The following SLC30A6 variants were observed in gnomAD, a reference collection of about 807,000 sequenced individuals.
The protein encoded by SLC30A6 is solute carrier family 30 member 6.
SLC30A6 carries 55 observed loss-of-function variants against 63.0 expected under a neutral mutation model. The ratio of observed to expected loss-of-function variants is 0.87; its 90% CI spans 0.70 to 1.09. The LOEUF is 1.09. Among genes scored for constraint, SLC30A6 ranks in the 50% least tolerant of loss-of-function variants. The pLI is 0.00. For missense variants in SLC30A6, 587 were observed against 549.2 expected, an observed-to-expected ratio of 1.07 and a Z score of -0.69; for synonymous variants, 224 against 186.1, an observed-to-expected ratio of 1.20 and a Z score of -1.66.
At chr2:32,199,884 G>A (rs1285915268) in intron 10 of SLC30A6, among the ~76,000 whole-genome samples, 2 of 152,098 alleles carry the variant, frequency 1.3e-5, no homozygotes, top group African/African-American at 4.8e-5. Context: ...GGAAGCCGAG[G>A]CGGCTGGGTC....
intron 4 of SLC30A6, among the ~76,000 whole-genome samples, chr2:32,183,465 T>G (rs898386350): frequency 1.3e-5 from 2 of 151,786 alleles, no homozygotes; most frequent in African/African-American, 2.4e-5. Flanking sequence ...GTGGATCACT[T>G]GAGACCAGGA....
chr2:32,201,684 A>G, intron 10 of SLC30A6: 1 of 1,476,360 alleles, frequency 6.8e-7, no homozygotes, highest in Non-Finnish European at 9.3e-7. Flanking sequence ...GGAGAGGCAG[A>G]AGAGCTTTAT....
In SLC30A6 at chr2:32,207,271, C is replaced by A. The variant is rs183542591; in HGVS notation, c.816+338C>A. On this transcript the variant is annotated intron_variant, in intron 12 of 13. Transcript: ENST00000282587. Reference sequence around the variant, plus strand: ...CTGTTGCCAGGCTGTAGTGCAGTGGCGCAATCTCAGCTCACTGCAACCTCC... The same window carrying A: ...CTGTTGCCAGGCTGTAGTGCAGTGGAGCAATCTCAGCTCACTGCAACCTCC... Among the ~76,000 whole-genome samples, 288 of 151,686 alleles carry A rather than the reference C, an allele frequency of 1.9e-3. 2 individuals are homozygous for A. Among genetic ancestry groups the A allele is most frequent in the African/African-American group, 6.4e-3 (265 of 41,334 alleles).
At chr2:32,190,969 A>G (rs114611736) in intron 5 of SLC30A6, among the ~76,000 whole-genome samples, 46 of 152,216 alleles carry the variant, frequency 3.0e-4, no homozygotes, top group African/African-American at 1.0e-3. Context: ...AGTGGACTAT[A>G]TATGTGTAGG....
intron 5 of SLC30A6, among the ~76,000 whole-genome samples, chr2:32,186,331 C>T (rs1487015011): frequency 6.6e-6 from 1 of 152,174 alleles, no homozygotes. Flanking sequence ...CTATGATAAT[C>T]AGTTGTAAGG....
At chr2:32,207,236 C>G (rs983879428) in intron 12 of SLC30A6, among the ~76,000 whole-genome samples, 6 of 151,630 alleles carry the variant, frequency 4.0e-5, no homozygotes, top group Non-Finnish European at 8.8e-5. Context: ...TTTTTTGAGA[C>G]AGTCTTGCTC....
chr2:32,203,649 G>A, intron 10 of SLC30A6: 1 of 1,565,622 alleles, frequency 6.4e-7, no homozygotes, highest in Non-Finnish European at 8.8e-7. Context: ...GTAATGCAGT[G>A]TCTCAGATTA....
chr2:32,177,901 T>G (rs116283582), intron 4 of SLC30A6, among the ~76,000 whole-genome samples: 2,520 of 151,814 alleles, frequency 0.017, 30 homozygotes, highest in Middle Eastern at 0.027. Context: ...AGTGCTAAGA[T>G]TATGGGCGTG....
At chr2:32,216,290 C>A (rs1041587339) in intron 13 of SLC30A6, among the ~76,000 whole-genome samples, 5 of 152,124 alleles carry the variant, frequency 3.3e-5, no homozygotes, top group African/African-American at 4.8e-5. Context: ...AATCCCAGCA[C>A]TTTGGGAGGC....
intron 1 of SLC30A6, among the ~76,000 whole-genome samples, chr2:32,167,663 AACAC>A (rs113548357): frequency 8.0e-5 from 12 of 150,656 alleles, no homozygotes; most frequent in Admixed American, 1.3e-4. Flanking sequence ...TATATGCACA[AACAC>A]ACACACACAC....
rs780123836 is a variant in SLC30A6 at position 32,183,528 on chromosome 2, A to C, written c.219-745A>C. On this transcript the variant is annotated intron_variant, in intron 4 of 13. Coordinates refer to ENST00000282587, the MANE Select transcript of SLC30A6 (RefSeq NM_017964.5). ...GAAACCTCGTCTCTACTAAAAAAAAATATATAAAAATTAGCCGGGCATGGT... is the reference window on the plus strand; with the variant it reads ...GAAACCTCGTCTCTACTAAAAAAAACTATATAAAAATTAGCCGGGCATGGT... 1.8e-4 allele frequency among the ~76,000 whole-genome samples: 27 copies of C among 151,522 alleles called. 1 individual carries two copies. The highest frequency in any genetic ancestry group is 7.4e-5 in the Non-Finnish European group (5 of 67,914).
At chr2:32,219,340 C>T (rs2148917630) in intron 13 of SLC30A6, among the ~76,000 whole-genome samples, 1 of 151,680 alleles carries the variant, frequency 6.6e-6, no homozygotes, top group African/African-American at 2.4e-5. Flanking sequence ...CCAGCCCTTT[C>T]CTCTGTTTCT....
At chr2:32,202,448 G>T in intron 10 of SLC30A6, 1 of 258,318 alleles carries the variant, frequency 3.9e-6, no homozygotes, top group Non-Finnish European at 7.5e-6. Context: ...TCCTGCCTCA[G>T]CCTCCCAAGT....
At chr2:32,190,490 TA>T (rs1416728322) in intron 5 of SLC30A6, among the ~76,000 whole-genome samples, 1 of 152,082 alleles carries the variant, frequency 6.6e-6, no homozygotes, top group Non-Finnish European at 1.5e-5. Context: ...AAATTAAATT[TA>T]TTTTTTTGGG....
chr2:32,183,722 CA>C (rs1386893043), intron 4 of SLC30A6, among the ~76,000 whole-genome samples: 1 of 149,268 alleles, frequency 6.7e-6, no homozygotes, highest in Non-Finnish European at 1.5e-5. Context: ...TTTTATTAAT[CA>C]GGTAACTAAC....
intron 1 of SLC30A6, among the ~76,000 whole-genome samples, chr2:32,169,210 C>T (rs1176557190): frequency 6.6e-6 from 1 of 152,078 alleles, no homozygotes; most frequent in Non-Finnish European, 1.5e-5. Flanking sequence ...GGGTCTCGCT[C>T]TGTTGCCCAG....
Position 32,193,919 on chromosome 2 carries a change from T to G in SLC30A6, c.432T>G (p.Ala144=). ...GATTATTAGTTGGTACTTTTGTGGC[T>G]CTTTGTTTCAACCTGTTCACGATGC... ...TGRLLVGTFV[A]LCFNLFTMLS... The change falls in exon 8 of 14, where the codon GCT becomes GCG. Residue 144 remains alanine, a synonymous_variant. Coordinates refer to ENST00000282587, the MANE Select transcript of SLC30A6 (RefSeq NM_017964.5). 6.2e-7 allele frequency: 1 copy of G among 1,613,666 alleles called. No homozygotes were observed. Among genetic ancestry groups the G allele is most frequent in the Non-Finnish European group, 8.5e-7 (1 of 1,179,756 alleles).
chr2:32,168,859 A>T (rs72796873), intron 1 of SLC30A6, among the ~76,000 whole-genome samples: 3 of 152,308 alleles, frequency 2.0e-5, no homozygotes, highest in African/African-American at 4.8e-5. Flanking sequence ...TAAAATTTGT[A>T]GTTTATTCTG....
intron 10 of SLC30A6, chr2:32,201,733 C>G: frequency 2.3e-6 from 3 of 1,329,858 alleles, no homozygotes; most frequent in East Asian, 2.4e-5. Context: ...TGGACCTGTA[C>G]TTCCCTTATA....
Sources: gnomAD v4.1 joint callset for allele counts (sites outside exome capture counted in the v4.1 genomes callset) on GRCh38, gnomAD v4.1.1 for gene constraint, MANE v1.5 for transcripts, NCBI Gene and HGNC (gene_info 2026-07-23, HGNC 2026-07-21) for gene names.